Variants in DLG2 observed in about 807,000 individuals in gnomAD.
DLG2 encodes the protein discs large MAGUK scaffold protein 2, also known as disks large homolog 2.
In DLG2, 45 loss-of-function variants were observed where a neutral mutation model predicts 132.5. That is an observed-to-expected ratio of 0.34 (90% CI 0.27 to 0.44). The LOEUF is 0.44. Among genes scored for constraint, DLG2 ranks in the 20% least tolerant of loss-of-function variants. The probability of loss-of-function intolerance (pLI) is 1.00; values close to 1 mark genes in which losing one functional copy is unlikely to be tolerated. For synonymous variants in DLG2, 424 were observed against 419.6 expected (o/e 1.01, Z -0.13); for missense variants, 1,045 against 1,196.9 (o/e 0.87, Z 1.87).
intron 11 of DLG2, among the ~76,000 whole-genome samples, chr11:83,987,821 C>T (rs971118933): frequency 6.6e-6 from 1 of 152,130 alleles, no homozygotes; most frequent in African/African-American, 2.4e-5. Flanking sequence ...TAATAGCCAT[C>T]TCTCTGGTGT....
chr11:84,911,086 T>G (rs546207090), intron 6 of DLG2, among the ~76,000 whole-genome samples: 54 of 152,232 alleles, frequency 3.5e-4, no homozygotes, highest in African/African-American at 1.2e-3. Flanking sequence ...ATTATTAATA[T>G]TTTTATAATA....
intron 7 of DLG2, among the ~76,000 whole-genome samples, chr11:84,508,400 C>T (rs1354808776): frequency 7.1e-6 from 1 of 141,086 alleles, no homozygotes; most frequent in Non-Finnish European, 1.5e-5. Context: ...CTTTCTTTAC[C>T]TTTTTTTTTT....
chr11:84,062,051 G>T (rs1250747472), intron 10 of DLG2, among the ~76,000 whole-genome samples: 1 of 152,098 alleles, frequency 6.6e-6, no homozygotes, highest in African/African-American at 2.4e-5. Flanking sequence ...TTTCATAGAA[G>T]GGAGTGGCTG....
At chr11:85,350,596 G>A (rs1055162607) in intron 3 of DLG2, among the ~76,000 whole-genome samples, 5 of 152,158 alleles carry the variant, frequency 3.3e-5, no homozygotes. Flanking sequence ...CAAGGTATAA[G>A]GAAGGGATCC....
chr11:85,579,988 A>G (rs2078410104), intron 3 of DLG2, among the ~76,000 whole-genome samples: 2 of 152,088 alleles, frequency 1.3e-5, no homozygotes, highest in African/African-American at 4.8e-5. Context: ...TGTGGGAGGG[A>G]CCCAGTGGGA....
chr11:85,403,310 G>T (rs1375584136), intron 3 of DLG2, among the ~76,000 whole-genome samples: 1 of 151,934 alleles, frequency 6.6e-6, no homozygotes, highest in Admixed American at 6.6e-5. Flanking sequence ...ATGCACACAG[G>T]GTCGGGTACA....
At chr11:84,043,020 T>C (rs1251493773) in intron 11 of DLG2, among the ~76,000 whole-genome samples, 1 of 151,830 alleles carries the variant, frequency 6.6e-6, no homozygotes, top group Non-Finnish European at 1.5e-5. Context: ...GACTACTGCT[T>C]ATATATGGAC....
chr11:85,042,400 T>G (rs1359083279), intron 6 of DLG2, among the ~76,000 whole-genome samples: 1 of 152,048 alleles, frequency 6.6e-6, no homozygotes, highest in Non-Finnish European at 1.5e-5. Flanking sequence ...GGCACTACAC[T>G]AAGTGTTTTT....
intron 12 of DLG2, among the ~76,000 whole-genome samples, chr11:83,969,101 T>C (rs1482637730): frequency 6.6e-6 from 1 of 152,198 alleles, no homozygotes; most frequent in Non-Finnish European, 1.5e-5. Context: ...TAGATACTAT[T>C]AATCAGGCAA....
intron 3 of DLG2, among the ~76,000 whole-genome samples, chr11:85,405,197 T>A (rs1185665740): frequency 6.6e-6 from 1 of 151,974 alleles, no homozygotes. Context: ...ATGCTAGATT[T>A]TAATGTTTCA....
intron 7 of DLG2, among the ~76,000 whole-genome samples, chr11:84,287,406 G>A (rs1269817934): frequency 6.6e-6 from 1 of 152,044 alleles, no homozygotes; most frequent in Non-Finnish European, 1.5e-5. Flanking sequence ...ATAGTGTTGG[G>A]GGGCCAGGGC....
At chr11:85,258,395 G>A (rs914499018) in intron 4 of DLG2, among the ~76,000 whole-genome samples, 3 of 151,984 alleles carry the variant, frequency 2.0e-5, no homozygotes, top group Non-Finnish European at 4.4e-5. Flanking sequence ...AGATTTTTAG[G>A]AAAATATTCA....
chr11:85,436,768 A>G (rs541560109), intron 3 of DLG2, among the ~76,000 whole-genome samples: 1 of 152,370 alleles, frequency 6.6e-6, no homozygotes, highest in African/African-American at 2.4e-5. Flanking sequence ...GTCTAGAACC[A>G]GAAATACCAT....
chr11:85,583,051 A>T (rs2078663021), intron 3 of DLG2, among the ~76,000 whole-genome samples: 1 of 116,110 alleles, frequency 8.6e-6, no homozygotes, highest in African/African-American at 3.7e-5. Flanking sequence ...ACCAGGGGAA[A>T]AAAAAAATAT....
At chr11:85,282,753 G>A (rs550981) in intron 4 of DLG2, among the ~76,000 whole-genome samples, 128,889 of 152,020 alleles carry the variant, frequency 0.85, 55,161 homozygotes, top group Non-Finnish European at 0.91. Context: ...GTTTTTGAAA[G>A]TTTATGTTCT....
chr11:85,276,976 G>T (rs560693116), intron 4 of DLG2, among the ~76,000 whole-genome samples: 1 of 152,228 alleles, frequency 6.6e-6, no homozygotes, highest in Admixed American at 6.5e-5. Context: ...TCTAGTTAAG[G>T]TCATTAGAAA....
At chr11:84,165,856 C>G (rs535611526) in intron 8 of DLG2, among the ~76,000 whole-genome samples, 113 of 152,234 alleles carry the variant, frequency 7.4e-4, no homozygotes, top group African/African-American at 2.6e-3. Flanking sequence ...CGAGATCGCA[C>G]CACTACACTC....
intron 19 of DLG2, among the ~76,000 whole-genome samples, chr11:83,542,215 T>TA (rs891405264): frequency 4.6e-5 from 7 of 151,750 alleles, no homozygotes; most frequent in African/African-American, 1.5e-4. Context: ...TTAAAATTAC[T>TA]AAAAAAAGTA....
At chr11:84,189,771 T>A (rs1280313389) in intron 8 of DLG2, among the ~76,000 whole-genome samples, 2 of 152,138 alleles carry the variant, frequency 1.3e-5, no homozygotes, top group Non-Finnish European at 2.9e-5. Flanking sequence ...AGCTGAATGA[T>A]AAGAACACAT....
Sources: gnomAD v4.1 joint callset for allele counts (sites outside exome capture counted in the v4.1 genomes callset) on GRCh38, gnomAD v4.1.1 for gene constraint, MANE v1.5 for transcripts, NCBI Gene and HGNC (gene_info 2026-07-23, HGNC 2026-07-21) for gene names.